Variants in EFL1 observed in about 807,000 individuals in gnomAD.
EFL1 encodes elongation factor like GTPase 1.
EFL1 carries 76 observed loss-of-function variants against 126.7 expected under a neutral mutation model. The observed-to-expected ratio is 0.60, with a 90% CI of 0.50 to 0.73. The LOEUF (loss-of-function observed/expected upper bound fraction) is 0.73. Ranked by LOEUF, EFL1 falls within the 30% of genes least tolerant of loss-of-function variation. The pLI, the probability that EFL1 is intolerant of heterozygous loss-of-function variation, is 0.00. For synonymous variants in EFL1, 410 were observed against 448.4 expected (o/e 0.91, Z 1.08); for missense variants, 1,128 against 1,343.2 (o/e 0.84, Z 2.50).
chr15:82,259,284 G>T, intron 2 of EFL1, 129 bp from the exon 3 acceptor site: 2 of 762,682 alleles, frequency 2.6e-6, no homozygotes, highest in South Asian at 1.7e-5. Context: ...TATGCTAGGT[G>T]ACAAAAGAGA....
chr15:82,181,031 AT>A (rs537867720), intron 15 of EFL1, among the ~76,000 whole-genome samples: 7 of 150,742 alleles, frequency 4.6e-5, no homozygotes, highest in Non-Finnish European at 5.9e-5. Context: ...CCTGGCCTAA[AT>A]TTTTTTTTTA....
In EFL1 at chr15:82,200,124, T is replaced by C. The variant is rs182408869; in HGVS notation, c.1750+14593A>G. Among the ~76,000 whole-genome samples the C allele has an allele frequency of 1.2e-4, 18 of 152,242 alleles. No individual in the cohort carries two copies. The East Asian group carries it at 3.3e-3, about 28-fold the overall frequency. On this transcript the variant is annotated intron_variant, in intron 15 of 19. Transcript: ENST00000268206. ...ATATACTGTGCTGGCACAACACCTA[T>C]GCATCGGGAAAAAAACAAACCTGAA... is the stretch of plus-strand genomic sequence containing the variant.
At chr15:82,152,760 G>A (rs981412339) in intron 17 of EFL1, among the ~76,000 whole-genome samples, 3 of 151,694 alleles carry the variant, frequency 2.0e-5, no homozygotes, top group Non-Finnish European at 4.4e-5. Flanking sequence ...AAATATGAAT[G>A]CTTTAAAACA....
rs2651722 is a variant in EFL1, at chr15:82,225,088, C to G, written c.1292+77G>C. ...GAGGAAAAGCATTATCCGTGCCCCC[C>G]CTACCCACAGCCCAACTGCATCCCA... On this transcript the variant is annotated intron_variant, in intron 12 of 19. Coordinates refer to ENST00000268206, the MANE Select transcript of EFL1 (RefSeq NM_024580.6). 54 of 1,121,948 alleles carry G rather than the reference C, an allele frequency of 4.8e-5. 1 individual carries two copies. The highest frequency in any genetic ancestry group is 2.8e-4 in the East Asian group (11 of 39,908). 69.5% of individuals were successfully genotyped at this position (1,121,948 alleles called of 1,614,324 possible).
intron 15 of EFL1, among the ~76,000 whole-genome samples, chr15:82,210,452 G>A (rs55756522): frequency 6.6e-6 from 1 of 152,166 alleles, no homozygotes; most frequent in Non-Finnish European, 1.5e-5. Context: ...CATATGGAAA[G>A]GCCTTAGTTC....
At chr15:82,233,239 G>A (rs186433431) in intron 7 of EFL1, among the ~76,000 whole-genome samples, 11 of 152,124 alleles carry the variant, frequency 7.2e-5, no homozygotes, top group East Asian at 3.9e-4. Context: ...CAACCCATTC[G>A]ACATTACTGC....
intron 2 of EFL1, among the ~76,000 whole-genome samples, chr15:82,261,105 T>C (rs1213477035): frequency 2.0e-5 from 3 of 152,198 alleles, no homozygotes; most frequent in East Asian, 1.9e-4. Flanking sequence ...CCATTTGTCA[T>C]CTTGAGCCCC....
intron 7 of EFL1, chr15:82,233,737 G>C (rs1021294919): frequency 6.6e-6 from 1 of 152,090 alleles, no homozygotes; most frequent in African/African-American, 2.4e-5. Context: ...GATAGATTTC[G>C]GGAGAAGACC....
At chr15:82,219,956 G>T in intron 13 of EFL1, 122 bp downstream of exon 13, 2 of 1,483,644 alleles carry the variant, frequency 1.3e-6, no homozygotes, top group Non-Finnish European at 1.8e-6. Context: ...AAACAAGAAT[G>T]GAAAGAATAT....
chr15:82,185,482 AT>A (rs1595968574), intron 15 of EFL1, among the ~76,000 whole-genome samples: 1 of 152,186 alleles, frequency 6.6e-6, no homozygotes, highest in East Asian at 1.9e-4. Flanking sequence ...ATTTTAAAAA[AT>A]TAGAACTTTT....
chr15:82,259,067 A>T, intron 3 of EFL1, 21 bp downstream of exon 3: 1 of 1,606,020 alleles, frequency 6.2e-7, no homozygotes, highest in African/African-American at 1.3e-5. Flanking sequence ...TGCAACAAGT[A>T]TTTATAAAAT....
rs117084180 is a variant in EFL1, at chr15:82,261,326, C to T, written c.91+362G>A. 2.7e-3 allele frequency among the ~76,000 whole-genome samples: 405 copies of T among 152,304 alleles called. 1 individual carries two copies. The highest frequency in any genetic ancestry group is 0.01 in the Middle Eastern group (3 of 294). On this transcript the variant is annotated intron_variant, in intron 2 of 19. Coordinates refer to ENST00000268206, the MANE Select transcript of EFL1 (RefSeq NM_024580.6). ...ACTAAGCAAAATATCTTGAACTTAA[C>T]AGACGTTTGATAAATATCTGATGAA...
intron 15 of EFL1, among the ~76,000 whole-genome samples, chr15:82,175,607 G>A (rs997627602): frequency 6.6e-6 from 1 of 152,164 alleles, no homozygotes; most frequent in African/African-American, 2.4e-5. Flanking sequence ...GCCGGGTGCA[G>A]TGGCTCACGC....
At position 82,182,989 on chromosome 15, in the gene EFL1, A is replaced by G. The variant is rs146759785; in HGVS notation, c.1751-19005T>C. ...ATTGGAGCTGCTCTGGTACTGGGGC[A>G]TTTTTAGAGGGTCTGAGGTGGAAAG... On this transcript the variant is annotated intron_variant, in intron 15 of 19. Transcript: ENST00000268206. 8.1e-3 allele frequency among the ~76,000 whole-genome samples: 1,238 copies of G among 152,204 alleles called. 18 individuals are homozygous for G. The highest frequency in any genetic ancestry group is 0.028 in the African/African-American group (1,179 of 41,522).
At chr15:82,144,008 G>A (rs2073816336) in intron 18 of EFL1, among the ~76,000 whole-genome samples, 1 of 152,134 alleles carries the variant, frequency 6.6e-6, no homozygotes, top group Non-Finnish European at 1.5e-5. Context: ...GACTTGAAAT[G>A]CAAATTGTGT....
At chr15:82,211,547 T>TAC (rs1214996508) in intron 15 of EFL1, among the ~76,000 whole-genome samples, 1,160 of 70,522 alleles carry the variant, frequency 0.016, 47 homozygotes, top group African/African-American at 0.025. Flanking sequence ...AAAAAATCTA[T>TAC]ATACACACAC....
In EFL1 at chr15:82,189,129, C is replaced by T. The variant is rs139063205; in HGVS notation, c.1751-25145G>A. On this transcript the variant is annotated intron_variant, in intron 15 of 19. Coordinates refer to ENST00000268206, the MANE Select transcript of EFL1 (RefSeq NM_024580.6). The stretch of plus-strand genomic sequence containing the variant: ...AATGCTCCTAGACTACAAACCTATA[C>T]GCCGTGTTACTGTACCGAGTACTAT... Among the ~76,000 whole-genome samples, 836 of 152,096 alleles carry T rather than the reference C, an allele frequency of 5.5e-3. 3 individuals carry two copies. Among genetic ancestry groups the T allele is most frequent in the Non-Finnish European group, 9.2e-3 (627 of 67,990 alleles).
intron 4 of EFL1, among the ~76,000 whole-genome samples, chr15:82,248,515 G>A (rs1253008877): frequency 2.0e-5 from 3 of 152,094 alleles, no homozygotes; most frequent in South Asian, 4.2e-4. Context: ...CAACACATGC[G>A]TAAATCCTCC....
intron 17 of EFL1, among the ~76,000 whole-genome samples, chr15:82,155,451 G>A (rs559932961): frequency 1.3e-5 from 2 of 152,272 alleles, no homozygotes; most frequent in South Asian, 2.1e-4. Context: ...GTAGTAAGCT[G>A]AGAGTGGACC....
Sources: gnomAD v4.1 joint callset for allele counts (sites outside exome capture counted in the v4.1 genomes callset) on GRCh38, gnomAD v4.1.1 for gene constraint, MANE v1.5 for transcripts, NCBI Gene and HGNC (gene_info 2026-07-23, HGNC 2026-07-21) for gene names.